Variants in PDGFD observed in about 807,000 individuals in gnomAD.
The protein encoded by PDGFD is platelet derived growth factor D, also known as platelet-derived growth factor D.
In PDGFD, 30 loss-of-function variants were observed where a neutral mutation model predicts 44.7. The ratio of observed to expected loss-of-function variants is 0.67; its 90% CI spans 0.50 to 0.91. PDGFD has a LOEUF of 0.91. Ranked by LOEUF, PDGFD falls within the 40% of genes least tolerant of loss-of-function variation. PDGFD has a pLI of 0.00. For synonymous variants in PDGFD, 173 were observed against 168.4 expected (o/e 1.03, Z -0.21); for missense variants, 445 against 457.8 (o/e 0.97, Z 0.25).
At chr11:103,977,916 A>G (rs907730116) in intron 3 of PDGFD, among the ~76,000 whole-genome samples, 7 of 150,604 alleles carry the variant, frequency 4.6e-5, no homozygotes, top group Non-Finnish European at 8.8e-5. Context: ...GTGAGGAACC[A>G]GTAAAGTAGA....
At chr11:103,952,213 G>A (rs574223490) in intron 3 of PDGFD, among the ~76,000 whole-genome samples, 10 of 152,226 alleles carry the variant, frequency 6.6e-5, no homozygotes, top group Admixed American at 4.6e-4. Context: ...TGCCCTTACC[G>A]TTACTTTAAG....
intron 1 of PDGFD, among the ~76,000 whole-genome samples, chr11:104,059,616 C>G (rs1176951114): frequency 6.6e-6 from 1 of 152,162 alleles, no homozygotes; most frequent in Non-Finnish European, 1.5e-5. Context: ...CACTTTTAAG[C>G]ATTTCTCAGG....
At chr11:104,010,810 G>T (rs780084388) in intron 1 of PDGFD, among the ~76,000 whole-genome samples, 1 of 152,076 alleles carries the variant, frequency 6.6e-6, no homozygotes, top group Non-Finnish European at 1.5e-5. Context: ...AGAACTGTGA[G>T]GGTGAAGGGA....
At chr11:103,958,629 G>A (rs1263045140) in intron 3 of PDGFD, among the ~76,000 whole-genome samples, 1 of 151,980 alleles carries the variant, frequency 6.6e-6, no homozygotes, top group Non-Finnish European at 1.5e-5. Context: ...TTGTTTGTTT[G>A]GTTTGTTTTT....
At chr11:104,112,933 G>A (rs1176886799) in intron 1 of PDGFD, among the ~76,000 whole-genome samples, 2 of 151,962 alleles carry the variant, frequency 1.3e-5, no homozygotes, top group African/African-American at 2.4e-5. Context: ...ATGGGTACTA[G>A]GTTTAATACC....
intron 1 of PDGFD, chr11:104,037,105 G>T: frequency 1.2e-6 from 2 of 1,614,178 alleles, no homozygotes. Flanking sequence ...GCCTCGTGTA[G>T]ACTTCAGTGG....
At chr11:104,104,512 C>T (rs1215279815) in intron 1 of PDGFD, among the ~76,000 whole-genome samples, 2 of 152,056 alleles carry the variant, frequency 1.3e-5, no homozygotes, top group African/African-American at 4.8e-5. Flanking sequence ...TATACCTCTC[C>T]TATGTTTAGA....
chr11:104,037,769 G>T (rs1162109605), intron 1 of PDGFD: 1 of 1,614,094 alleles, frequency 6.2e-7, no homozygotes, highest in Admixed American at 1.7e-5. Flanking sequence ...TTCTTACAGT[G>T]CTCTTTCTCC....
chr11:103,975,802 T>C (rs989950626), intron 3 of PDGFD, among the ~76,000 whole-genome samples: 2 of 152,162 alleles, frequency 1.3e-5, no homozygotes, highest in Admixed American at 6.5e-5. Flanking sequence ...ATCAGATTGT[T>C]GTAGAGGTGT....
intron 1 of PDGFD, among the ~76,000 whole-genome samples, chr11:104,085,569 G>C (rs548473877): frequency 1.3e-5 from 2 of 152,138 alleles, no homozygotes; most frequent in South Asian, 2.1e-4. Flanking sequence ...TCAAACAAAG[G>C]CATGTATTTA....
chr11:104,097,050 T>C (rs517401), intron 1 of PDGFD, among the ~76,000 whole-genome samples: 107,209 of 152,068 alleles, frequency 0.71, 38,150 homozygotes, highest in East Asian at 0.98. Context: ...ATTATCACTC[T>C]ACGACTGTTG....
intron 6 of PDGFD, among the ~76,000 whole-genome samples, chr11:103,911,391 T>C (rs1858026556): frequency 6.6e-6 from 1 of 152,100 alleles, no homozygotes; most frequent in African/African-American, 2.4e-5. Context: ...GCGGCCTGAC[T>C]GTTAGAAGGA....
intron 1 of PDGFD, among the ~76,000 whole-genome samples, chr11:104,044,348 G>T (rs897663276): frequency 4.6e-5 from 7 of 152,202 alleles, no homozygotes; most frequent in Non-Finnish European, 7.4e-5. Context: ...TTGCCTTAGT[G>T]CTTTATGTGA....
chr11:104,126,704 G>C (rs1351088058), intron 1 of PDGFD, among the ~76,000 whole-genome samples: 2 of 152,064 alleles, frequency 1.3e-5, no homozygotes, highest in African/African-American at 4.8e-5. Context: ...ATCAATCATT[G>C]TACAGTTCTC....
intron 1 of PDGFD, chr11:104,038,539 C>T (rs926274962): frequency 3.0e-5 from 5 of 169,272 alleles, no homozygotes; most frequent in African/African-American, 1.2e-4. Context: ...AATACTTATA[C>T]ATGTCTGTTT....
chr11:104,160,977 T>C (rs1323496460), intron 1 of PDGFD, among the ~76,000 whole-genome samples: 1 of 152,186 alleles, frequency 6.6e-6, no homozygotes, highest in Non-Finnish European at 1.5e-5. Flanking sequence ...TGTGGGGTTT[T>C]ACTGTATTAG....
chr11:104,013,224 G>A (rs10895562), intron 1 of PDGFD, among the ~76,000 whole-genome samples: 1 of 151,928 alleles, frequency 6.6e-6, no homozygotes, highest in African/African-American at 2.4e-5. Flanking sequence ...ATCCTGCTGA[G>A]AGCCAGCTCC....
chr11:104,064,314 G>A (rs1182930348), intron 1 of PDGFD, among the ~76,000 whole-genome samples: 2 of 152,164 alleles, frequency 1.3e-5, no homozygotes, highest in African/African-American at 4.8e-5. Flanking sequence ...GAAATCCAGT[G>A]GAAGTGCTGA....
At chr11:104,032,578 A>C (rs1445667088) in intron 1 of PDGFD, among the ~76,000 whole-genome samples, 1 of 152,088 alleles carries the variant, frequency 6.6e-6, no homozygotes, top group Admixed American at 6.5e-5. Context: ...TATTTTGCTT[A>C]GTACAGCAAG....
Sources: allele counts gnomAD v4.1 joint callset (sites outside exome capture counted in the v4.1 genomes callset), GRCh38; gene constraint gnomAD v4.1.1; transcripts MANE v1.5; gene names NCBI Gene and HGNC (gene_info 2026-07-23, HGNC 2026-07-21).